PHACTR1: variants seen among roughly 807,000 people sequenced by gnomAD.
PHACTR1 encodes the protein RPEL repeat containing 1.
In PHACTR1, 16 loss-of-function variants were observed where a neutral mutation model predicts 69.2. That is an observed-to-expected ratio of 0.23 (90% confidence interval 0.16 to 0.35). PHACTR1 has a LOEUF of 0.35. Among genes scored for constraint, PHACTR1 ranks in the 10% least tolerant of loss-of-function variants. PHACTR1 has a pLI of 1.00. For synonymous variants in PHACTR1, 312 were observed against 284.5 expected (o/e 1.10, Z -0.97); for missense variants, 510 against 734.7 (o/e 0.69, Z 3.54).
intron 3 of PHACTR1, among the ~76,000 whole-genome samples, chr6:12,731,795 C>G (rs1428355063): frequency 6.6e-6 from 1 of 152,106 alleles, no homozygotes; most frequent in East Asian, 1.9e-4. Context: ...CCTATGTTAT[C>G]TTGGCGACCA....
At position 13,245,078 on chromosome 6, in the gene PHACTR1, C is replaced by T. The variant is rs1773412519; in HGVS notation, c.1391+14885C>T. Among the ~76,000 whole-genome samples the T allele has an allele frequency of 6.6e-6, 1 of 152,200 alleles. No individual in the cohort carries two copies. The highest frequency in any genetic ancestry group is 6.5e-5 in the Admixed American group (1 of 15,276). On this transcript the variant is annotated intron_variant, in intron 10 of 14. Transcript: ENST00000332995. This position sits in a 1 kb window ranked among gnomAD's most constrained non-coding sequence, Gnocchi z 4.1. ...TCCCTCTGTTTGGGGTCCCTGACTT[C>T]CCGCAACAGTATTTAGGTTGATTCC... is the stretch of plus-strand genomic sequence containing the variant.
chr6:13,169,365 G>T (rs1236776107), intron 6 of PHACTR1, among the ~76,000 whole-genome samples: 1 of 152,154 alleles, frequency 6.6e-6, no homozygotes, highest in Non-Finnish European at 1.5e-5. Flanking sequence ...GATCTGGGCT[G>T]GGCTGGGCTG....
chr6:13,174,096 A>G (rs1430977886), intron 6 of PHACTR1, among the ~76,000 whole-genome samples: 3 of 152,174 alleles, frequency 2.0e-5, no homozygotes, highest in Admixed American at 1.3e-4. Context: ...CGAAGTCTCT[A>G]TTTCAGCCTC....
At chr6:13,051,506 C>T (rs750679496) in intron 4 of PHACTR1, among the ~76,000 whole-genome samples, 7 of 152,214 alleles carry the variant, frequency 4.6e-5, no homozygotes, top group Admixed American at 1.3e-4. Context: ...TCTCACCTAA[C>T]GTCACTGAGG....
At chr6:13,144,504 T>G (rs1822987838) in intron 5 of PHACTR1, among the ~76,000 whole-genome samples, 1 of 152,186 alleles carries the variant, frequency 6.6e-6, no homozygotes, top group Non-Finnish European at 1.5e-5. Context: ...GACTCAATAT[T>G]GTAAAGATGC....
chr6:13,241,519 T>C (rs1160197161), intron 10 of PHACTR1, among the ~76,000 whole-genome samples: 1 of 152,102 alleles, frequency 6.6e-6, no homozygotes. Flanking sequence ...ATCAAAGACT[T>C]TGGAGCTGGA....
chr6:12,971,365 AG>A (rs1295846233), intron 4 of PHACTR1, among the ~76,000 whole-genome samples: 5 of 152,330 alleles, frequency 3.3e-5, no homozygotes, highest in African/African-American at 1.2e-4. Flanking sequence ...TTCCAGGCAA[AG>A]GCACATGCAC....
rs574308342 is a variant in PHACTR1, at chr6:12,735,415, G to A, written c.104-14229G>A. Among the ~76,000 whole-genome samples, 170 of 152,304 alleles carry A rather than the reference G, an allele frequency of 1.1e-3. 1 individual carries two copies. Among genetic ancestry groups the A allele is most frequent in the African/African-American group, 3.9e-3 (163 of 41,576 alleles). On this transcript the variant is annotated intron_variant, in intron 3 of 14. Coordinates refer to ENST00000332995, the MANE Select transcript of PHACTR1 (RefSeq NM_030948.6). ...CACAAGGGCATGAGTGCCAAGAGTC[G>A]GGGTTCATCAAGGGCCATTTTGGAA...
chr6:12,793,538 T>G (rs1308864057), intron 4 of PHACTR1, among the ~76,000 whole-genome samples: 1 of 152,190 alleles, frequency 6.6e-6, no homozygotes, highest in East Asian at 1.9e-4. Flanking sequence ...GAAAATAAAA[T>G]TTTTGCAAAA....
chr6:12,962,255 A>C (rs1375065410), intron 4 of PHACTR1, among the ~76,000 whole-genome samples: 1 of 152,048 alleles, frequency 6.6e-6, no homozygotes, highest in Non-Finnish European at 1.5e-5. Context: ...CACCAGTCAT[A>C]TTGGATTATC....
intron 4 of PHACTR1, among the ~76,000 whole-genome samples, chr6:12,870,915 G>C (rs72835702): frequency 6.6e-6 from 1 of 152,156 alleles, no homozygotes; most frequent in South Asian, 2.1e-4. Context: ...ATATCAGTAC[G>C]TGGGGAAAGT....
chr6:13,120,424 A>T (rs190005465), intron 5 of PHACTR1, among the ~76,000 whole-genome samples: 9 of 152,312 alleles, frequency 5.9e-5, no homozygotes, highest in Admixed American at 3.3e-4. Context: ...TAGGAAAATG[A>T]TGATCTTAAA....
intron 11 of PHACTR1, chr6:13,273,198 C>T (rs1317093194): frequency 4.9e-6 from 2 of 404,782 alleles, no homozygotes; most frequent in East Asian, 4.2e-5. Context: ...TAGAGTGAGA[C>T]CACTTATTAT....
intron 4 of PHACTR1, among the ~76,000 whole-genome samples, chr6:13,009,865 C>T (rs1200707063): frequency 6.8e-6 from 1 of 148,076 alleles, no homozygotes; most frequent in Non-Finnish European, 1.5e-5. Context: ...ACACTGCCAC[C>T]ACCACCACCA....
intron 4 of PHACTR1, among the ~76,000 whole-genome samples, chr6:12,804,007 A>G (rs141506511): frequency 1.1e-4 from 17 of 152,260 alleles, no homozygotes; most frequent in Non-Finnish European, 2.4e-4. Flanking sequence ...AATAGGATTC[A>G]TTTTTCTAGA....
chr6:12,957,784 C>T (rs1219884901), intron 4 of PHACTR1: 4 of 985,436 alleles, frequency 4.1e-6, no homozygotes, highest in African/African-American at 3.5e-5. Flanking sequence ...CTTTGGTTGA[C>T]ACCCTCCCCT....
At chr6:12,804,792 C>T (rs1774117565) in intron 4 of PHACTR1, among the ~76,000 whole-genome samples, 1 of 152,098 alleles carries the variant, frequency 6.6e-6, no homozygotes. Flanking sequence ...GAGTGGCACC[C>T]TGTTTCAAAA....
chr6:12,908,241 C>T (rs1490763538), intron 4 of PHACTR1, among the ~76,000 whole-genome samples: 4 of 152,276 alleles, frequency 2.6e-5, no homozygotes, highest in Admixed American at 6.5e-5. Flanking sequence ...AGATCGTTAT[C>T]GAGTTCCCCT....
At chr6:12,754,340 G>A (rs1219428094) in intron 4 of PHACTR1, among the ~76,000 whole-genome samples, 1 of 151,970 alleles carries the variant, frequency 6.6e-6, no homozygotes, top group East Asian at 1.9e-4. Context: ...GTTTTGATAG[G>A]CATCCTCCTT....
Sources: allele counts gnomAD v4.1 joint callset (sites outside exome capture counted in the v4.1 genomes callset), GRCh38; gene constraint gnomAD v4.1.1; non-coding constraint Gnocchi (gnomAD v3.1); transcripts MANE v1.5; gene names NCBI Gene and HGNC (gene_info 2026-07-23, HGNC 2026-07-21).